VPS13C: variants seen among roughly 807,000 people sequenced by gnomAD.
The protein encoded by VPS13C is vacuolar protein sorting 13 homolog C, also known as intermembrane lipid transfer protein VPS13C.
VPS13C carries 358 observed loss-of-function variants against 456.8 expected under a neutral mutation model. The ratio of observed to expected loss-of-function variants is 0.78; its 90% CI spans 0.72 to 0.86. VPS13C has a LOEUF of 0.86. Among genes scored for constraint, VPS13C ranks in the 40% least tolerant of loss-of-function variants. The pLI is 0.00. For missense variants in VPS13C, 4,818 were observed against 4,385.4 expected, an observed-to-expected ratio of 1.10 and a Z score of -2.79; for synonymous variants, 1,578 against 1,486.7, an observed-to-expected ratio of 1.06 and a Z score of -1.41.
Position 61,940,701 on chromosome 15 carries a change from T to C in VPS13C, c.5547A>G (p.Ala1849=), listed in dbSNP as rs1225127615. ...CCATCCCTGGAATTTGCACATACCATGCTGCTGCTAAGTTTCGCTGTATGG... is the reference window on the plus strand; with the variant it reads ...CCATCCCTGGAATTTGCACATACCACGCTGCTGCTAAGTTTCGCTGTATGG... ...LLSIQRNLAA[A]WYVQIPGMEI... The change falls in exon 47 of 85, where the codon GCA becomes GCG. Residue 1849 remains alanine, a synonymous_variant. Coordinates refer to ENST00000644861, the MANE Select transcript of VPS13C (RefSeq NM_020821.3). 1 of 1,613,862 alleles carries C rather than the reference T, an allele frequency of 6.2e-7. No individual in the cohort carries two copies. The highest frequency in any genetic ancestry group is 1.1e-5 in the South Asian group (1 of 91,010).
chr15:61,933,184 A>C (rs1376429787), intron 49 of VPS13C, among the ~76,000 whole-genome samples: 1 of 152,204 alleles, frequency 6.6e-6, no homozygotes, highest in Non-Finnish European at 1.5e-5. Context: ...ACAAACAATG[A>C]AACAAAAGTA....
chr15:62,005,238 G>A (rs1476524140), intron 15 of VPS13C, among the ~76,000 whole-genome samples: 1 of 152,206 alleles, frequency 6.6e-6, no homozygotes, highest in Non-Finnish European at 1.5e-5. Flanking sequence ...AGGAGAGTTA[G>A]CTCTTCTTGT....
intron 49 of VPS13C, among the ~76,000 whole-genome samples, chr15:61,931,968 G>T (rs933287473): frequency 6.6e-6 from 1 of 152,162 alleles, no homozygotes; most frequent in Non-Finnish European, 1.5e-5. Context: ...CATGGTAGAT[G>T]ATGTGAATGA....
chr15:61,928,157 T>G (rs984633584), intron 51 of VPS13C, among the ~76,000 whole-genome samples: 1 of 152,082 alleles, frequency 6.6e-6, no homozygotes, highest in Non-Finnish European at 1.5e-5. Flanking sequence ...CAAACCTGCA[T>G]GCTGTGCACA....
intron 3 of VPS13C, among the ~76,000 whole-genome samples, chr15:62,037,726 C>T (rs1050566763): frequency 6.6e-6 from 1 of 151,604 alleles, no homozygotes; most frequent in Non-Finnish European, 1.5e-5. Flanking sequence ...AAATGAATGG[C>T]TACAACTTCT....
intron 66 of VPS13C, among the ~76,000 whole-genome samples, chr15:61,893,109 T>A (rs548916402): frequency 2.8e-4 from 42 of 152,212 alleles, no homozygotes; most frequent in African/African-American, 9.2e-4. Flanking sequence ...TGGAGAAAGA[T>A]AGAAATACAC....
chr15:61,985,025 T>C, intron 18 of VPS13C, 26 bp from the exon 19 acceptor site: 1 of 1,360,070 alleles, frequency 7.4e-7, no homozygotes, highest in South Asian at 2.1e-5. Context: ...GAAATTAAAA[T>C]TGTTAAAGTT....
intron 26 of VPS13C, 127 bp from the exon 27 acceptor site, chr15:61,972,891 A>G (rs566938162): frequency 2.4e-5 from 25 of 1,026,360 alleles, no homozygotes; most frequent in African/African-American, 1.8e-4. Context: ...CAGCATCAGA[A>G]TAGCTGCCTT....
intron 27 of VPS13C, among the ~76,000 whole-genome samples, chr15:61,970,965 TAAGAC>T (rs1420285879): frequency 1.3e-5 from 2 of 148,696 alleles, no homozygotes; most frequent in African/African-American, 5.0e-5. Context: ...AGGAAAAACA[TAAGAC>T]AAGTGTAAGC....
chr15:62,010,351 A>T, intron 13 of VPS13C, 121 bp downstream of exon 13: 1 of 1,093,324 alleles, frequency 9.1e-7, no homozygotes, highest in Non-Finnish European at 1.2e-6. Context: ...ATTTTTAAAC[A>T]GTCAAATCTC....
At chr15:61,932,579 A>G (rs1331194144) in intron 49 of VPS13C, among the ~76,000 whole-genome samples, 1 of 151,824 alleles carries the variant, frequency 6.6e-6, no homozygotes, top group African/African-American at 2.4e-5. Flanking sequence ...AGTGATGAAC[A>G]TCCAACACCA....
chr15:61,951,687 G>T, intron 39 of VPS13C, 137 bp downstream of exon 39: 1 of 831,352 alleles, frequency 1.2e-6, no homozygotes, highest in Non-Finnish European at 1.7e-6. Flanking sequence ...CTGTACCCAG[G>T]GACTGTTTTT....
chr15:61,996,998 C>CATACATATATATATATATATATATAT (rs1555437505), intron 16 of VPS13C, among the ~76,000 whole-genome samples: 1 of 145,538 alleles, frequency 6.9e-6, no homozygotes, highest in African/African-American at 2.6e-5. Context: ...TACATACATA[C>CATACATATATATATATATATATATAT]ATATATATAT....
intron 66 of VPS13C, among the ~76,000 whole-genome samples, chr15:61,900,802 G>A (rs2042974399): frequency 6.6e-6 from 1 of 151,726 alleles, no homozygotes; most frequent in African/African-American, 2.4e-5. Flanking sequence ...GCATTGCCAA[G>A]TCAATCCTAA....
At chr15:61,917,811 T>A (rs72747887) in intron 59 of VPS13C, among the ~76,000 whole-genome samples, 176 bp from the exon 60 acceptor site, 1 of 151,982 alleles carries the variant, frequency 6.6e-6, no homozygotes, top group African/African-American at 2.4e-5. Context: ...CAAAATCACA[T>A]AGCTAACTTA....
At chr15:61,862,061 C>T (rs1243641266) in intron 82 of VPS13C, among the ~76,000 whole-genome samples, 4 of 151,782 alleles carry the variant, frequency 2.6e-5, no homozygotes, top group African/African-American at 9.7e-5. Flanking sequence ...GATCGCATCA[C>T]TGGACTCCAG....
In VPS13C at chr15:62,023,859, G is replaced by A. The variant is rs1360478347; in HGVS notation, c.449-14C>T. ...TACGTTTACGTCCTTCACAGTGGAA[G>A]CATTTTAGTGAGAAAAGGATAAGAT... On this transcript the variant is annotated splice_polypyrimidine_tract_variant and intron_variant, in intron 6 of 84. Transcript: ENST00000644861. 1 of 1,603,478 alleles carries A rather than the reference G, an allele frequency of 6.2e-7. No homozygotes were observed. Among genetic ancestry groups the A allele is most frequent in the Admixed American group, 1.7e-5 (1 of 59,132 alleles).
At chr15:61,927,033 T>C in intron 52 of VPS13C, 58 bp downstream of exon 52, 1 of 1,455,014 alleles carries the variant, frequency 6.9e-7, no homozygotes, top group Non-Finnish European at 9.5e-7. Context: ...TAGGATTCTA[T>C]GAATCAACTG....
intron 3 of VPS13C, among the ~76,000 whole-genome samples, chr15:62,038,187 T>C (rs2048127011): frequency 6.6e-6 from 1 of 152,098 alleles, no homozygotes; most frequent in African/African-American, 2.4e-5. Flanking sequence ...AATTCCTAGA[T>C]GAAAACTGAG....
Sources: allele counts gnomAD v4.1 joint callset (sites outside exome capture counted in the v4.1 genomes callset), GRCh38; gene constraint gnomAD v4.1.1; transcripts MANE v1.5; gene names NCBI Gene and HGNC (gene_info 2026-07-23, HGNC 2026-07-21).